The following CSMD1 variants were observed in gnomAD, a reference collection of about 807,000 sequenced individuals.
CSMD1 encodes the protein CUB and Sushi multiple domains 1.
Under a neutral mutation model 417.5 loss-of-function variants are expected in CSMD1, and 213 were observed. The observed-to-expected ratio is 0.51, with a 90% CI of 0.46 to 0.57. CSMD1 has a LOEUF of 0.57. Among genes scored for constraint, CSMD1 ranks in the 20% least tolerant of loss-of-function variants. The pLI is 0.00. For synonymous variants in CSMD1, 2,862 were observed against 1,736.8 expected (o/e 1.65, Z -16.11); for missense variants, 6,923 against 4,529.7 (o/e 1.53, Z -15.17).
chr8:4,666,704 T>G (rs1307483944), intron 1 of CSMD1, among the ~76,000 whole-genome samples: 1 of 152,194 alleles, frequency 6.6e-6, no homozygotes, highest in Non-Finnish European at 1.5e-5. Flanking sequence ...TATTTTAAAA[T>G]GTGCTGTTTT....
intron 1 of CSMD1, among the ~76,000 whole-genome samples, chr8:4,644,291 T>A (rs942669514): frequency 3.3e-5 from 5 of 152,178 alleles, no homozygotes; most frequent in African/African-American, 1.2e-4. Flanking sequence ...CTACCCGAAA[T>A]GAGCTTTGCC....
At chr8:3,189,850 G>C in intron 34 of CSMD1, 62 bp downstream of exon 34, 1 of 1,411,506 alleles carries the variant, frequency 7.1e-7, no homozygotes, top group Non-Finnish European at 9.7e-7. Context: ...AGAAACATGA[G>C]AAGTAACTCT....
chr8:3,064,827 C>T (rs1413230135), intron 49 of CSMD1, among the ~76,000 whole-genome samples: 1 of 152,162 alleles, frequency 6.6e-6, no homozygotes, highest in East Asian at 1.9e-4. Context: ...AACTTAAAAT[C>T]TCAATAAAGT....
rs17419301 is a variant in CSMD1 at position 4,768,981 on chromosome 8, T to C, written c.86-131423A>G. ...ATAAATTAACTTGTGACTAAACTGT[T>C]ATTTCATGTGAAGAAGAGACCAATA... On this transcript the variant is annotated intron_variant, in intron 1 of 69. Transcript: ENST00000635120. Among the ~76,000 whole-genome samples the C allele has an allele frequency of 7.0e-3, 1,065 of 152,246 alleles. 9 individuals carry two copies. Among genetic ancestry groups the C allele is most frequent in the Non-Finnish European group, 0.011 (755 of 68,026 alleles).
chr8:3,841,443 C>G (rs1803126564), intron 5 of CSMD1, among the ~76,000 whole-genome samples: 4 of 152,258 alleles, frequency 2.6e-5, no homozygotes, highest in Admixed American at 2.0e-4. Flanking sequence ...CAATCTTTGA[C>G]ATTCTTTCAC....
chr8:3,119,041 G>A (rs1181949797), intron 41 of CSMD1, among the ~76,000 whole-genome samples: 6 of 151,986 alleles, frequency 3.9e-5, no homozygotes, highest in Non-Finnish European at 8.8e-5. Context: ...TTAGCCTGGC[G>A]TGGTGGCGGG....
intron 10 of CSMD1, among the ~76,000 whole-genome samples, chr8:3,511,225 T>G (rs1797053014): frequency 6.6e-6 from 1 of 151,632 alleles, no homozygotes; most frequent in African/African-American, 2.4e-5. Flanking sequence ...CACCAGGGCC[T>G]GTTGGGGGGT....
chr8:4,267,635 A>G (rs1047639038), intron 3 of CSMD1, among the ~76,000 whole-genome samples: 2 of 152,028 alleles, frequency 1.3e-5, no homozygotes, highest in African/African-American at 4.8e-5. Context: ...ATTAATAATT[A>G]AATACATATC....
intron 5 of CSMD1, among the ~76,000 whole-genome samples, chr8:3,801,595 T>G (rs1800463731): frequency 6.6e-6 from 1 of 151,896 alleles, no homozygotes; most frequent in African/African-American, 2.4e-5. Context: ...ACTGTTACCC[T>G]GTGAGTAAAG....
At chr8:4,226,656 A>G (rs1486439544) in intron 3 of CSMD1, among the ~76,000 whole-genome samples, 2 of 152,228 alleles carry the variant, frequency 1.3e-5, no homozygotes, top group Non-Finnish European at 2.9e-5. Flanking sequence ...TTACAGTATA[A>G]TCATAGAAAT....
chr8:4,242,345 ACCTC>A (rs1802451759), intron 3 of CSMD1, among the ~76,000 whole-genome samples: 1 of 152,086 alleles, frequency 6.6e-6, no homozygotes, highest in Non-Finnish European at 1.5e-5. Flanking sequence ...AAAATTTGCA[ACCTC>A]CCTAAGTAAT....
intron 2 of CSMD1, among the ~76,000 whole-genome samples, chr8:4,604,239 C>G (rs1800746913): frequency 1.3e-5 from 2 of 151,944 alleles, no homozygotes. Context: ...TGATTGACTA[C>G]TACCTTTTTC....
chr8:3,160,902 C>T (rs969634557), intron 38 of CSMD1, among the ~76,000 whole-genome samples: 2 of 152,190 alleles, frequency 1.3e-5, no homozygotes, highest in African/African-American at 4.8e-5. Context: ...TGATTCACTG[C>T]TACACAATAT....
At chr8:3,005,809 A>G (rs377506323) in intron 52 of CSMD1, among the ~76,000 whole-genome samples, 1 of 152,170 alleles carries the variant, frequency 6.6e-6, no homozygotes, top group Non-Finnish European at 1.5e-5. Context: ...ACCCACAGCC[A>G]ATATCATACT....
At chr8:4,710,769 C>T (rs545582656) in intron 1 of CSMD1, among the ~76,000 whole-genome samples, 1 of 151,662 alleles carries the variant, frequency 6.6e-6, no homozygotes, top group South Asian at 2.1e-4. Context: ...TGCTTGAACC[C>T]GGGAGGTGGA....
chr8:3,899,248 G>C (rs777317609), intron 5 of CSMD1, among the ~76,000 whole-genome samples: 1 of 152,166 alleles, frequency 6.6e-6, no homozygotes, highest in Non-Finnish European at 1.5e-5. Flanking sequence ...CACCAGTGTG[G>C]GCAGCCAAGG....
chr8:3,519,049 A>G (rs1314541169), intron 10 of CSMD1, among the ~76,000 whole-genome samples: 1 of 152,208 alleles, frequency 6.6e-6, no homozygotes, highest in Middle Eastern at 3.2e-3. Context: ...AACATTTTAA[A>G]AATCCTCTTA....
intron 7 of CSMD1, among the ~76,000 whole-genome samples, chr8:3,650,707 G>C (rs1400815227): frequency 1.3e-5 from 2 of 152,160 alleles, no homozygotes; most frequent in African/African-American, 2.4e-5. Flanking sequence ...GCTTCTCAAA[G>C]AAAGGGCATC....
intron 3 of CSMD1, among the ~76,000 whole-genome samples, chr8:4,282,306 A>G (rs1374278902): frequency 6.6e-6 from 1 of 152,208 alleles, no homozygotes; most frequent in Non-Finnish European, 1.5e-5. Context: ...GCTCAGGAAC[A>G]CTGGAGCACG....
Sources: gnomAD v4.1 joint callset for allele counts (sites outside exome capture counted in the v4.1 genomes callset) on GRCh38, gnomAD v4.1.1 for gene constraint, MANE v1.5 for transcripts, NCBI Gene and HGNC (gene_info 2026-07-23, HGNC 2026-07-21) for gene names.